ERN1: variants seen among roughly 807,000 people sequenced by gnomAD.
ERN1 encodes the protein serine/threonine-protein kinase/endoribonuclease IRE1.
In ERN1, 39 loss-of-function variants were observed where a neutral mutation model predicts 113.1. That is an observed-to-expected ratio of 0.34 (90% confidence interval 0.27 to 0.45). The LOEUF is 0.45. Ranked by LOEUF, ERN1 falls within the 20% of genes least tolerant of loss-of-function variation. The pLI is 1.00. For synonymous variants in ERN1, 507 were observed against 515.9 expected, an observed-to-expected ratio of 0.98 and a Z score of 0.23; for missense variants, 976 against 1,274.8, an observed-to-expected ratio of 0.77 and a Z score of 3.57.
intron 2 of ERN1, among the ~76,000 whole-genome samples, chr17:64,083,672 C>G (rs8079000): frequency 0.42 from 64,347 of 151,926 alleles, 18,180 homozygotes; most frequent in African/African-American, 0.81. Flanking sequence ...AGGATTAACA[C>G]GGGAAAGAAA....
At chr17:64,101,887 T>A (rs746762479) in intron 1 of ERN1, among the ~76,000 whole-genome samples, 22 of 152,194 alleles carry the variant, frequency 1.4e-4, no homozygotes, top group Non-Finnish European at 3.1e-4. Context: ...TTGCTACTAG[T>A]GGAAGCACTA....
intron 8 of ERN1, among the ~76,000 whole-genome samples, chr17:64,065,799 A>G (rs910620316): frequency 1.2e-4 from 18 of 152,148 alleles, no homozygotes; most frequent in African/African-American, 4.1e-4. Flanking sequence ...GATGCATAAG[A>G]AATTCCAGAC....
At chr17:64,045,009 GGA>G in intron 20 of ERN1, 82 bp from the exon 21 acceptor site, 1 of 1,034,548 alleles carries the variant, frequency 9.7e-7, no homozygotes, top group South Asian at 1.4e-5. Context: ...TGGGGTCCTG[GGA>G]TTAGGGAGTT....
intron 1 of ERN1, among the ~76,000 whole-genome samples, chr17:64,126,777 C>T (rs1258988790): frequency 6.6e-6 from 1 of 151,836 alleles, no homozygotes; most frequent in Non-Finnish European, 1.5e-5. Flanking sequence ...AAATGATAAG[C>T]AAAGACATTG....
chr17:64,091,970 G>A (rs1423355218), intron 2 of ERN1, among the ~76,000 whole-genome samples: 3 of 152,166 alleles, frequency 2.0e-5, no homozygotes, highest in Non-Finnish European at 4.4e-5. Context: ...CACTGATGCA[G>A]GCACAACGCC....
rs1913027183 is a variant in ERN1 at position 64,060,678 on chromosome 17, G to T, written c.1088-91C>A. ...ACTTAGGCAACAGGTGCTACCCACT[G>T]AGGGGTCCACAATGCAAACTCTCAG... On this transcript the variant is annotated intron_variant, in intron 10 of 21. Coordinates refer to ENST00000433197, the MANE Select transcript of ERN1 (RefSeq NM_001433.5). The T allele has an allele frequency of 9.3e-6, 8 of 862,856 alleles. No individual in the cohort carries two copies. In the South Asian group the frequency reaches 1.1e-4, roughly 12 times the overall value. The allele number at this position is 862,856 out of a possible 1,614,324, so 53.4% of individuals were successfully genotyped here. A position where few individuals can be genotyped will look rare whatever the true frequency, so the allele number is the denominator to read the frequency against.
At chr17:64,097,665 G>A (rs554411533) in intron 2 of ERN1, among the ~76,000 whole-genome samples, 1 of 152,304 alleles carries the variant, frequency 6.6e-6, no homozygotes, top group South Asian at 2.1e-4. Context: ...ACCCAATAAA[G>A]TGGTTAACTT....
At chr17:64,058,063 G>C in intron 11 of ERN1, 70 bp from the exon 12 acceptor site, 1 of 1,210,622 alleles carries the variant, frequency 8.3e-7, no homozygotes, top group Non-Finnish European at 1.1e-6. Flanking sequence ...CAGCAATCAA[G>C]AGAAGCAATC....
chr17:64,084,686 G>C (rs983075024), intron 2 of ERN1, among the ~76,000 whole-genome samples: 1 of 152,174 alleles, frequency 6.6e-6, no homozygotes, highest in African/African-American at 2.4e-5. Flanking sequence ...ATCCTTTGGT[G>C]GTTCCCCATC....
At chr17:64,105,478 G>A (rs1276799170) in intron 1 of ERN1, among the ~76,000 whole-genome samples, 1 of 152,070 alleles carries the variant, frequency 6.6e-6, no homozygotes, top group Non-Finnish European at 1.5e-5. Flanking sequence ...CACTCCAACA[G>A]ACCAGAAGTT....
At chr17:64,129,442 G>A (rs1300895314) in intron 1 of ERN1, 7 of 178,148 alleles carry the variant, frequency 3.9e-5, no homozygotes, top group African/African-American at 1.6e-4. Flanking sequence ...TCTCGGGTGA[G>A]AGTCCTTACT....
At chr17:64,065,163 G>A in intron 9 of ERN1, 46 bp downstream of exon 9, 1 of 1,355,990 alleles carries the variant, frequency 7.4e-7, no homozygotes, top group South Asian at 1.3e-5. Context: ...TGCTAAAATG[G>A]AACAGAAGTG....
At chr17:64,056,698 CTCT>C (rs976904241) in intron 12 of ERN1, among the ~76,000 whole-genome samples, 8 of 152,350 alleles carry the variant, frequency 5.3e-5, no homozygotes, top group African/African-American at 1.7e-4. Flanking sequence ...AGGGAGTCGT[CTCT>C]TCTTCTCTCC....
chr17:64,123,936 G>A (rs757112138), intron 1 of ERN1, among the ~76,000 whole-genome samples: 20 of 152,160 alleles, frequency 1.3e-4, no homozygotes, highest in Non-Finnish European at 2.6e-4. Flanking sequence ...GTTCCAGTGT[G>A]GGGAAGAAAA....
intron 19 of ERN1, among the ~76,000 whole-genome samples, chr17:64,046,657 C>T (rs1286697756): frequency 1.3e-5 from 2 of 152,222 alleles, no homozygotes; most frequent in Non-Finnish European, 2.9e-5. Context: ...GTAGTGAATG[C>T]AGCAGTCAAG....
intron 9 of ERN1, among the ~76,000 whole-genome samples, chr17:64,064,631 A>G (rs1913159517): frequency 6.6e-6 from 1 of 152,212 alleles, no homozygotes; most frequent in South Asian, 2.1e-4. Flanking sequence ...CAGCCCAAGC[A>G]TTGTAGGGAT....
In ERN1 at chr17:64,130,072, G is replaced by A. The variant is rs1915200120; in HGVS notation, c.-43C>T. 1 of 1,350,458 alleles carries A rather than the reference G, an allele frequency of 7.4e-7. No individual in the cohort carries two copies. The highest frequency in any genetic ancestry group is 1.5e-5 in the African/African-American group (1 of 65,334). 83.7% of individuals were successfully genotyped at this position (1,350,458 alleles called of 1,614,324 possible). A position where few individuals can be genotyped will look rare whatever the true frequency, so the allele number is the denominator to read the frequency against. ...GGCTCCGGGGGCGGTACGGACAGAG[G>A]ACGGGGCGGGGGCGCCGCGACGACA... On this transcript the variant is annotated 5_prime_UTR_variant, in exon 1 of 22. Coordinates refer to ENST00000433197, the MANE Select transcript of ERN1 (RefSeq NM_001433.5). This position sits in a 1 kb window ranked among gnomAD's most constrained non-coding sequence, Gnocchi z 4.0.
At chr17:64,079,258 T>A (rs1426575032) in intron 4 of ERN1, among the ~76,000 whole-genome samples, 1 of 152,078 alleles carries the variant, frequency 6.6e-6, no homozygotes, top group Non-Finnish European at 1.5e-5. Flanking sequence ...GATTCTCAAA[T>A]GGAAATGAGG....
At chr17:64,116,674 CAA>C (rs972141915) in intron 1 of ERN1, among the ~76,000 whole-genome samples, 1 of 151,788 alleles carries the variant, frequency 6.6e-6, no homozygotes, top group Non-Finnish European at 1.5e-5. Flanking sequence ...CACACACACA[CAA>C]ACACACCCAT....
Sources: gnomAD v4.1 joint callset for allele counts (sites outside exome capture counted in the v4.1 genomes callset) on GRCh38, gnomAD v4.1.1 for gene constraint, Gnocchi (gnomAD v3.1) non-coding constraint, MANE v1.5 for transcripts, NCBI Gene and HGNC (gene_info 2026-07-23, HGNC 2026-07-21) for gene names.